ZNF354A: variants seen among roughly 807,000 people sequenced by gnomAD.
ZNF354A encodes the protein epididymis luminal protein 104.
In ZNF354A, 25 loss-of-function variants were observed where a neutral mutation model predicts 53.3. The ratio of observed to expected loss-of-function variants is 0.47; its 90% confidence interval spans 0.34 to 0.66. The LOEUF is 0.66. ZNF354A is among the 30% of genes least tolerant of loss of function. ZNF354A has a pLI of 0.01. For missense variants in ZNF354A, 586 were observed against 716.8 expected (o/e 0.82, Z 2.08); for synonymous variants, 228 against 249.0 (o/e 0.92, Z 0.79).
chr5:178,726,760 G>A (rs968131717), intron 3 of ZNF354A, among the ~76,000 whole-genome samples: 19 of 152,324 alleles, frequency 1.2e-4, no homozygotes, highest in African/African-American at 4.6e-4. Flanking sequence ...CTTGGAGTGT[G>A]TGATTACATA....
chr5:178,722,702 G>C (rs1314855170), intron 4 of ZNF354A, among the ~76,000 whole-genome samples: 1 of 151,474 alleles, frequency 6.6e-6, no homozygotes, highest in Non-Finnish European at 1.5e-5. Context: ...ACTGTTTTAG[G>C]TTCTTGGAAA....
chr5:178,720,415 C>T (rs141877577), intron 4 of ZNF354A, among the ~76,000 whole-genome samples: 114 of 152,252 alleles, frequency 7.5e-4, no homozygotes, highest in Non-Finnish European at 1.1e-3. Flanking sequence ...CTGCTGTCCC[C>T]GTAAACTGGG....
chr5:178,718,566 TTC>T (rs778634336), intron 4 of ZNF354A, among the ~76,000 whole-genome samples: 4 of 152,240 alleles, frequency 2.6e-5, no homozygotes, highest in Non-Finnish European at 4.4e-5. Context: ...TTGTGTATCT[TTC>T]TTTTTAAATT....
rs375156389 is a variant in ZNF354A at position 178,712,942 on chromosome 5, G to C, written c.936C>G (p.Gly312=). 1.2e-6 allele frequency: 2 copies of C among 1,613,992 alleles called. No homozygotes were observed. Among genetic ancestry groups the C allele is most frequent in the Non-Finnish European group, 1.7e-6 (2 of 1,179,986 alleles). The change falls in exon 5 of 5, where the codon GGC becomes GGG. Residue 312 remains glycine (G), a synonymous_variant. Coordinates refer to ENST00000335815, the MANE Select transcript of ZNF354A (RefSeq NM_005649.3). ...ECGKSFSRRS[G]LFIHQKIHAE... is the part of the protein sequence containing the mutation. ...CATGAATTTTTTGATGTATAAAAAG[G>C]CCTGACCTTCGGCTGAAGGATTTAC...
Position 178,712,656 on chromosome 5 carries a change from T to G in ZNF354A, c.1222A>C (p.Lys408Gln). ...IQHERIHTGE[K>Q]PYRCNECGKG... Reference sequence around the variant, plus strand: ...CCACATTCATTGCATCTATAGGGCTTTTCTCCGGTGTGAATTCTTTCATGT... The same window carrying G: ...CCACATTCATTGCATCTATAGGGCTGTTCTCCGGTGTGAATTCTTTCATGT... The change falls in exon 5 of 5, where the codon AAG becomes CAG. Residue 408 changes from lysine to glutamine, a missense_variant. By Grantham distance (53) the Lys-to-Gln change is moderately conservative. This residue lies in a region of ZNF354A where 573 missense variants were observed against 680.1 expected (regional missense o/e 0.84). Transcript: ENST00000335815. 1 of 1,614,102 alleles carries G rather than the reference T, an allele frequency of 6.2e-7. No individual in the cohort carries two copies. The highest frequency in any genetic ancestry group is 8.5e-7 in the Non-Finnish European group (1 of 1,179,986).
chr5:178,725,262 T>A, intron 4 of ZNF354A, 114 bp downstream of exon 4: 1 of 1,006,806 alleles, frequency 9.9e-7, no homozygotes, highest in East Asian at 2.4e-5. Flanking sequence ...CGCTTCCCCA[T>A]CACTTCTTGA....
At position 178,712,921 on chromosome 5, in the gene ZNF354A, A is replaced by G; in HGVS notation, c.957T>C (p.Ile319=). 2 of 1,614,090 alleles carry G rather than the reference A, an allele frequency of 1.2e-6. No individual in the cohort carries two copies. Among genetic ancestry groups the G allele is most frequent in the Non-Finnish European group, 1.7e-6 (2 of 1,180,002 alleles). Residue 319 remains isoleucine (I), a synonymous_variant, in exon 5 of 5, where the codon ATT becomes ATC. Transcript: ENST00000335815. ...RRSGLFIHQK[I]HAEENPCKYN... ...ACTTACAAGGGTTTTCTTCAGCATG[A>G]ATTTTTTGATGTATAAAAAGGCCTG...
At chr5:178,721,545 A>C (rs1184914353) in intron 4 of ZNF354A, among the ~76,000 whole-genome samples, 1 of 152,176 alleles carries the variant, frequency 6.6e-6, no homozygotes, top group African/African-American at 2.4e-5. Flanking sequence ...AACAGTACTA[A>C]CTGTGCTGTT....
chr5:178,724,275 A>T (rs1331341180), intron 4 of ZNF354A, among the ~76,000 whole-genome samples: 3 of 148,838 alleles, frequency 2.0e-5, no homozygotes, highest in Admixed American at 6.7e-5. Flanking sequence ...CCAAGGCTGG[A>T]GTGAAGTGGC....
intron 4 of ZNF354A, among the ~76,000 whole-genome samples, chr5:178,719,619 C>T (rs1294415082): frequency 6.6e-6 from 1 of 152,200 alleles, no homozygotes; most frequent in African/African-American, 2.4e-5. Flanking sequence ...CCACCTTATC[C>T]TATAGCTAGT....
chr5:178,727,344 A>G (rs1295929831), intron 2 of ZNF354A, among the ~76,000 whole-genome samples: 1 of 152,250 alleles, frequency 6.6e-6, no homozygotes, highest in Admixed American at 6.5e-5. Flanking sequence ...AGAGATGGGT[A>G]GAGGAATTAC....
At chr5:178,720,794 A>G (rs1025660704) in intron 4 of ZNF354A, among the ~76,000 whole-genome samples, 8 of 152,210 alleles carry the variant, frequency 5.3e-5, no homozygotes, top group Admixed American at 3.9e-4. Flanking sequence ...CTGTAAAAAC[A>G]TCAAAACCGC....
At chr5:178,719,268 A>G (rs1457371799) in intron 4 of ZNF354A, among the ~76,000 whole-genome samples, 3 of 152,254 alleles carry the variant, frequency 2.0e-5, no homozygotes, top group Non-Finnish European at 4.4e-5. Context: ...TAAAAGGAAC[A>G]GTTGATTTCT....
chr5:178,720,914 C>A lies in ZNF354A; in HGVS notation c.256+4462G>T, dbSNP rs559867496. Among the ~76,000 whole-genome samples, 242 of 152,292 alleles carry A rather than the reference C, an allele frequency of 1.6e-3. 1 individual carries two copies. The highest frequency in any genetic ancestry group is 2.8e-3 in the Non-Finnish European group (188 of 68,008). On this transcript the variant is annotated intron_variant, in intron 4 of 4. Coordinates refer to ENST00000335815, the MANE Select transcript of ZNF354A (RefSeq NM_005649.3). ...CAATGTAAAGGCAATTCAAATAATT[C>A]TTTTTGTGGCTAAGCCACCAACCTG... is the stretch of plus-strand genomic sequence containing the variant.
chr5:178,728,548 G>A (rs1371523294), intron 2 of ZNF354A, among the ~76,000 whole-genome samples: 1 of 151,936 alleles, frequency 6.6e-6, no homozygotes, highest in Non-Finnish European at 1.5e-5. Flanking sequence ...CCAGCACTTT[G>A]GGAGGCTGAG....
chr5:178,712,867 G>A lies in ZNF354A; in HGVS notation c.1011C>T (p.Cys337=). 1 of 1,614,088 alleles carries A rather than the reference G, an allele frequency of 6.2e-7. No individual in the cohort carries two copies. Among genetic ancestry groups the A allele is most frequent in the East Asian group, 2.2e-5 (1 of 44,860 alleles). Residue 337 remains cysteine, a synonymous_variant, in exon 5 of 5, where the codon TGC becomes TGT. Coordinates refer to ENST00000335815, the MANE Select transcript of ZNF354A (RefSeq NM_005649.3). ...TTTGACATCCAGAAAGGGATGTGCT[G>A]CAACTAGATGCCTTCCTACCCGGAT... ...KYNPGRKASS[C]STSLSGCQRI...
At chr5:178,729,555 GCT>G (rs1491445896) in intron 1 of ZNF354A, among the ~76,000 whole-genome samples, 4 of 135,648 alleles carry the variant, frequency 2.9e-5, no homozygotes, top group Admixed American at 7.2e-5. Context: ...ACGGAAAACG[GCT>G]TTTTTTTTTT....
At chr5:178,716,249 A>T (rs1765711251) in intron 4 of ZNF354A, among the ~76,000 whole-genome samples, 1 of 152,104 alleles carries the variant, frequency 6.6e-6, no homozygotes, top group African/African-American at 2.4e-5. Flanking sequence ...AAGGTCCTCC[A>T]ATAGATTTTC....
chr5:178,722,789 G>T (rs554738337), intron 4 of ZNF354A, among the ~76,000 whole-genome samples: 1 of 152,214 alleles, frequency 6.6e-6, no homozygotes, highest in African/African-American at 2.4e-5. Context: ...TGAAGAAACA[G>T]ATCTATTACA....
Sources: allele counts gnomAD v4.1 joint callset (sites outside exome capture counted in the v4.1 genomes callset), GRCh38; gene constraint gnomAD v4.1.1; regional missense constraint gnomAD v4.1.1; transcripts MANE v1.5; gene names NCBI Gene and HGNC (gene_info 2026-07-23, HGNC 2026-07-21).